Variants in GABRB1 observed in about 807,000 individuals in gnomAD.
The protein encoded by GABRB1 is gamma-aminobutyric acid receptor subunit beta-1.
Under a neutral mutation model 51.6 loss-of-function variants are expected in GABRB1, and 17 were observed. The ratio of observed to expected loss-of-function variants is 0.33; its 90% CI spans 0.23 to 0.49. The LOEUF is 0.49. Ranked by LOEUF, GABRB1 falls within the 20% of genes least tolerant of loss-of-function variation. GABRB1 has a pLI of 0.99. For synonymous variants in GABRB1, 247 were observed against 218.9 expected (o/e 1.13, Z -1.14); for missense variants, 410 against 600.6 (o/e 0.68, Z 3.32).
intron 4 of GABRB1, among the ~76,000 whole-genome samples, chr4:47,316,322 G>C (rs1192476741): frequency 7.9e-5 from 12 of 151,682 alleles, no homozygotes; most frequent in Non-Finnish European, 1.3e-4. Flanking sequence ...ATGTGCATTA[G>C]AACATGCAAT....
rs555790797 is a variant in GABRB1, at chr4:47,043,645, C to T, written c.240+11161C>T. ...AGCCAAAACTCAAATAAAGCAATTG[C>T]CTTTATTCTTTTTCAATAAACTTAA... On this transcript the variant is annotated intron_variant, in intron 3 of 8. Transcript: ENST00000295454. 2.0e-4 allele frequency among the ~76,000 whole-genome samples: 30 copies of T among 152,106 alleles called. No individual in the cohort carries two copies. The East Asian group carries it at 5.0e-3, about 25-fold the overall frequency.
At chr4:47,098,232 T>C (rs1264160426) in intron 3 of GABRB1, among the ~76,000 whole-genome samples, 1 of 151,926 alleles carries the variant, frequency 6.6e-6, no homozygotes, top group Non-Finnish European at 1.5e-5. Flanking sequence ...CTCTTTATTT[T>C]CATTTCAACT....
chr4:47,011,585 C>T (rs1170538076), intron 1 of GABRB1, among the ~76,000 whole-genome samples: 1 of 152,134 alleles, frequency 6.6e-6, no homozygotes, highest in Non-Finnish European at 1.5e-5. Flanking sequence ...TGTGGGCATG[C>T]ACATCTGTTC....
chr4:47,262,239 C>T (rs1291503040), intron 4 of GABRB1, among the ~76,000 whole-genome samples: 5 of 152,250 alleles, frequency 3.3e-5, no homozygotes, highest in African/African-American at 9.6e-5. Context: ...AAGAAACTAC[C>T]TTCAGAGTGA....
At chr4:47,144,644 G>A (rs953249621) in intron 3 of GABRB1, among the ~76,000 whole-genome samples, 2 of 151,700 alleles carry the variant, frequency 1.3e-5, no homozygotes, top group African/African-American at 2.4e-5. Flanking sequence ...TAAGTGACTC[G>A]GTGACAGAAC....
At chr4:47,325,296 A>G (rs11737184) in intron 5 of GABRB1, among the ~76,000 whole-genome samples, 93,642 of 151,918 alleles carry the variant, frequency 0.62, 29,000 homozygotes, top group East Asian at 0.7. Flanking sequence ...TTAGCAGGGC[A>G]TGGTGGCACA....
intron 4 of GABRB1, among the ~76,000 whole-genome samples, chr4:47,281,937 A>C (rs1360147559): frequency 6.6e-6 from 1 of 152,210 alleles, no homozygotes; most frequent in Non-Finnish European, 1.5e-5. Flanking sequence ...GTTTCAGTTA[A>C]ACTGGGAGAA....
chr4:47,273,539 G>A (rs572895459), intron 4 of GABRB1, among the ~76,000 whole-genome samples: 1 of 152,208 alleles, frequency 6.6e-6, no homozygotes, highest in Admixed American at 6.5e-5. Flanking sequence ...ACAAATTGGT[G>A]GCTAAAAGTT....
chr4:47,120,452 T>A (rs920400413), intron 3 of GABRB1, among the ~76,000 whole-genome samples: 1 of 152,204 alleles, frequency 6.6e-6, no homozygotes, highest in African/African-American at 2.4e-5. Flanking sequence ...AGAGCCTGCC[T>A]GGTGCTTTAC....
At chr4:47,030,131 T>C (rs758756846), upstream of GABRB1, among the ~76,000 whole-genome samples, 4 of 152,204 alleles carry the variant, frequency 2.6e-5, no homozygotes, top group Non-Finnish European at 2.9e-5. Flanking sequence ...CCTTACAATG[T>C]TGAGTCTTCC....
At chr4:47,192,766 T>C (rs1719491870) in intron 4 of GABRB1, among the ~76,000 whole-genome samples, 1 of 152,212 alleles carries the variant, frequency 6.6e-6, no homozygotes, top group African/African-American at 2.4e-5. Context: ...TAATGATAGA[T>C]CCAATAATCA....
At chr4:47,389,343 T>C (rs1380779543) in intron 5 of GABRB1, among the ~76,000 whole-genome samples, 2 of 152,244 alleles carry the variant, frequency 1.3e-5, no homozygotes, top group Non-Finnish European at 1.5e-5. Context: ...TATTGTGACC[T>C]TCTAGGTGCA....
At chr4:47,393,512 C>T (rs944719188) in intron 5 of GABRB1, among the ~76,000 whole-genome samples, 27 of 152,202 alleles carry the variant, frequency 1.8e-4, no homozygotes, top group Admixed American at 1.8e-3. Flanking sequence ...CCTTACTCTT[C>T]TTGGCCCAGT....
At chr4:47,085,151 T>C (rs900538097) in intron 3 of GABRB1, among the ~76,000 whole-genome samples, 1 of 152,184 alleles carries the variant, frequency 6.6e-6, no homozygotes, top group Non-Finnish European at 1.5e-5. Context: ...TTGATGGACT[T>C]GACATTGATA....
chr4:47,420,570 T>C (rs1469305636), intron 8 of GABRB1, among the ~76,000 whole-genome samples: 1 of 152,214 alleles, frequency 6.6e-6, no homozygotes, highest in Non-Finnish European at 1.5e-5. Context: ...AACTCAAATA[T>C]TGATATTTTG....
chr4:47,199,351 T>C (rs1482328661), intron 4 of GABRB1, among the ~76,000 whole-genome samples: 2 of 152,186 alleles, frequency 1.3e-5, no homozygotes, highest in Admixed American at 1.3e-4. Flanking sequence ...GATTATTTAT[T>C]CACACAGAGG....
At chr4:47,238,449 T>G (rs1282814151) in intron 4 of GABRB1, among the ~76,000 whole-genome samples, 1 of 152,152 alleles carries the variant, frequency 6.6e-6, no homozygotes, top group African/African-American at 2.4e-5. Flanking sequence ...TTGGTATTTT[T>G]AAAGATGCTT....
chr4:47,066,918 G>T (rs1317705154), intron 3 of GABRB1, among the ~76,000 whole-genome samples: 2 of 152,112 alleles, frequency 1.3e-5, no homozygotes, highest in South Asian at 4.1e-4. Flanking sequence ...TAAATCAGAA[G>T]AATCATTATC....
At chr4:47,097,996 C>G (rs962142203) in intron 3 of GABRB1, among the ~76,000 whole-genome samples, 1 of 152,150 alleles carries the variant, frequency 6.6e-6, no homozygotes, top group Non-Finnish European at 1.5e-5. Flanking sequence ...TTGAATCACT[C>G]ATTTGGCCTT....
Sources: allele counts gnomAD v4.1 joint callset (sites outside exome capture counted in the v4.1 genomes callset), GRCh38; gene constraint gnomAD v4.1.1; transcripts MANE v1.5; gene names NCBI Gene and HGNC (gene_info 2026-07-23, HGNC 2026-07-21).